Variants in RBPMS observed in about 807,000 individuals in gnomAD.
RBPMS encodes the protein RNA-binding protein with multiple splicing.
In RBPMS, 7 loss-of-function variants were observed where a neutral mutation model predicts 26.8. That is an observed-to-expected ratio of 0.26 (90% CI 0.15 to 0.49). The LOEUF is 0.49. Among genes scored for constraint, RBPMS ranks in the 20% least tolerant of loss-of-function variants. The pLI is 0.98. For missense variants in RBPMS, 186 were observed against 250.0 expected (o/e 0.74, Z 1.73); for synonymous variants, 96 against 93.3 (o/e 1.03, Z -0.17).
intron 5 of RBPMS, among the ~76,000 whole-genome samples, chr8:30,522,617 G>A (rs1020887631): frequency 1.3e-5 from 2 of 152,126 alleles, no homozygotes; most frequent in African/African-American, 4.8e-5. Flanking sequence ...AAAAGGATAG[G>A]AGGAAACTTT....
chr8:30,428,020 CTTT>C (rs58756060), intron 1 of RBPMS, among the ~76,000 whole-genome samples: 3 of 103,928 alleles, frequency 2.9e-5, no homozygotes, highest in Non-Finnish European at 1.9e-5. Flanking sequence ...GAGACCCCAT[CTTT>C]TTTTTTTTTT....
chr8:30,408,815 C>A (rs891301595), intron 1 of RBPMS, among the ~76,000 whole-genome samples: 1 of 152,170 alleles, frequency 6.6e-6, no homozygotes, highest in African/African-American at 2.4e-5. Flanking sequence ...ATTTTGTCAA[C>A]CCCTGAAAAA....
intron 2 of RBPMS, among the ~76,000 whole-genome samples, chr8:30,477,115 C>T (rs796827395): frequency 2.0e-5 from 3 of 152,256 alleles, no homozygotes; most frequent in South Asian, 2.1e-4. Flanking sequence ...AGTGTAGTGA[C>T]GCCATCGGCT....
At chr8:30,545,050 T>C in intron 6 of RBPMS, 1 of 1,393,112 alleles carries the variant, frequency 7.2e-7, no homozygotes, top group Non-Finnish European at 9.3e-7. Flanking sequence ...AGTTTTCCAC[T>C]CTCGTGTACG....
chr8:30,568,617 T>C (rs1828056131), intron 8 of RBPMS, among the ~76,000 whole-genome samples: 1 of 152,210 alleles, frequency 6.6e-6, no homozygotes, highest in Non-Finnish European at 1.5e-5. Context: ...CTGTATGTCA[T>C]AGTCGGCCCC....
chr8:30,549,809 T>C (rs1462284807), intron 6 of RBPMS, among the ~76,000 whole-genome samples: 89 of 92,576 alleles, frequency 9.6e-4, no homozygotes, highest in Non-Finnish European at 8.1e-4. Flanking sequence ...CTCTCTCCTC[T>C]CTCTCTCTCT....
chr8:30,549,815 T>TCCC (rs1455701635), intron 6 of RBPMS, among the ~76,000 whole-genome samples: 3 of 129,468 alleles, frequency 2.3e-5, no homozygotes, highest in African/African-American at 9.3e-5. Flanking sequence ...CCTCTCTCTC[T>TCCC]CTCTCTCTCT....
chr8:30,414,678 T>C (rs1809852361), intron 1 of RBPMS, among the ~76,000 whole-genome samples: 1 of 152,196 alleles, frequency 6.6e-6, no homozygotes, highest in Non-Finnish European at 1.5e-5. Flanking sequence ...TCATAACAGA[T>C]TTTTGTAATT....
intron 2 of RBPMS, among the ~76,000 whole-genome samples, chr8:30,475,403 T>A (rs11991841): frequency 1 from 152,093 of 152,366 alleles, 75,910 homozygotes; most frequent in Middle Eastern, 1. Flanking sequence ...CAAAATAGCC[T>A]TGCTGCCAAG....
chr8:30,540,570 C>T (rs1038533265), intron 5 of RBPMS, among the ~76,000 whole-genome samples: 2 of 152,084 alleles, frequency 1.3e-5, no homozygotes, highest in African/African-American at 4.8e-5. Flanking sequence ...GAACTAAAGG[C>T]ATGCACCGCC....
At chr8:30,427,594 T>C (rs1329532510) in intron 1 of RBPMS, among the ~76,000 whole-genome samples, 4 of 152,236 alleles carry the variant, frequency 2.6e-5, no homozygotes, top group Non-Finnish European at 5.9e-5. Flanking sequence ...TGGCAATTTT[T>C]AAAGGTCTGT....
At chr8:30,474,733 C>G (rs1452991284) in intron 1 of RBPMS, 46 bp from the exon 2 acceptor site, 1 of 1,088,324 alleles carries the variant, frequency 9.2e-7, no homozygotes, top group African/African-American at 1.6e-5. Context: ...AGTTAACTCT[C>G]TGGAGTGTCC....
At chr8:30,486,094 C>G (rs1196125993) in intron 4 of RBPMS, among the ~76,000 whole-genome samples, 1 of 152,180 alleles carries the variant, frequency 6.6e-6, no homozygotes, top group Non-Finnish European at 1.5e-5. Context: ...CGACTGTAAG[C>G]CCAGCACTTT....
At chr8:30,548,139 G>GT (rs1334007161) in intron 6 of RBPMS, among the ~76,000 whole-genome samples, 3 of 152,312 alleles carry the variant, frequency 2.0e-5, no homozygotes, top group Non-Finnish European at 2.9e-5. Context: ...TGATCATCCA[G>GT]TTTACTTTCA....
intron 1 of RBPMS, among the ~76,000 whole-genome samples, chr8:30,437,601 G>A (rs1258147987): frequency 6.6e-6 from 1 of 152,072 alleles, no homozygotes; most frequent in Non-Finnish European, 1.5e-5. Flanking sequence ...AACCAGCCTG[G>A]CCAACATGGC....
At chr8:30,486,569 C>T (rs1818809638) in intron 4 of RBPMS, among the ~76,000 whole-genome samples, 1 of 151,732 alleles carries the variant, frequency 6.6e-6, no homozygotes, top group Non-Finnish European at 1.5e-5. Context: ...GGAGATGGAG[C>T]TTGCAGTGAG....
intron 1 of RBPMS, among the ~76,000 whole-genome samples, chr8:30,411,322 C>T (rs1365442414): frequency 6.6e-6 from 1 of 152,056 alleles, no homozygotes; most frequent in Non-Finnish European, 1.5e-5. Flanking sequence ...CTGTGGGAGA[C>T]AGAGGACGGA....
At chr8:30,446,016 G>A (rs1331923423) in intron 1 of RBPMS, among the ~76,000 whole-genome samples, 2 of 152,188 alleles carry the variant, frequency 1.3e-5, no homozygotes, top group East Asian at 1.9e-4. Context: ...AATGAAATCA[G>A]TGAAGACACC....
At chr8:30,547,276 T>A in intron 6 of RBPMS, 14 of 1,542,666 alleles carry the variant, frequency 9.1e-6, no homozygotes, top group Non-Finnish European at 1.2e-5. Context: ...AGACATGGAT[T>A]TTTTTTTTCT....
Sources: allele counts gnomAD v4.1 joint callset (sites outside exome capture counted in the v4.1 genomes callset), GRCh38; gene constraint gnomAD v4.1.1; transcripts MANE v1.5; gene names NCBI Gene and HGNC (gene_info 2026-07-23, HGNC 2026-07-21).